Variants in FRMPD4 observed in about 807,000 individuals in gnomAD.
FRMPD4 encodes FERM and PDZ domain containing 4.
Under a neutral mutation model 94.1 loss-of-function variants are expected in FRMPD4, and 22 were observed. The ratio of observed to expected loss-of-function variants is 0.23; its 90% CI spans 0.17 to 0.33. FRMPD4 has a LOEUF of 0.33. Ranked by LOEUF, FRMPD4 falls within the 10% of genes least tolerant of loss-of-function variation. The pLI, the probability that FRMPD4 is intolerant of heterozygous loss-of-function variation, is 1.00. For missense variants in FRMPD4, 1,111 were observed against 1,339.9 expected, an observed-to-expected ratio of 0.83 and a Z score of 2.67; for synonymous variants, 631 against 548.6, an observed-to-expected ratio of 1.15 and a Z score of -2.10.
intron 1 of FRMPD4, among the ~76,000 whole-genome samples, chrX:12,166,674 C>T (rs1183474693): frequency 9.0e-6 from 1 of 111,330 alleles, no homozygotes; most frequent in East Asian, 2.8e-4. Context: ...GTGAATCCAT[C>T]TGGTCCTGGA....
chrX:12,702,052 C>T (rs368137593), intron 10 of FRMPD4, 42 bp downstream of exon 10: 3 of 1,162,062 alleles, frequency 2.6e-6, no homozygotes, highest in East Asian at 3.0e-5. Context: ...ACAGACATGC[C>T]GCCTCCCTTA....
intron 3 of FRMPD4, among the ~76,000 whole-genome samples, chrX:11,924,642 CAT>C (rs749564270): frequency 8.9e-6 from 1 of 112,161 alleles, no homozygotes; most frequent in Non-Finnish European, 1.9e-5. Flanking sequence ...CTCATAATTT[CAT>C]ATCTGTCCAA....
intron 3 of FRMPD4, among the ~76,000 whole-genome samples, chrX:11,885,575 T>TA (rs1373783719): frequency 9.0e-6 from 1 of 111,480 alleles, no homozygotes; most frequent in Non-Finnish European, 1.9e-5. Flanking sequence ...TTTTAAATGT[T>TA]AAAAAAATAG....
At chrX:12,047,454 T>C (rs1433256181) in intron 3 of FRMPD4, among the ~76,000 whole-genome samples, 13 of 111,707 alleles carry the variant, frequency 1.2e-4, no homozygotes, top group Non-Finnish European at 9.4e-5. Context: ...TCCAAAAAAA[T>C]TAAAGAGCGT....
intron 4 of FRMPD4, among the ~76,000 whole-genome samples, chrX:12,667,269 C>A (rs1246321184): frequency 8.9e-6 from 1 of 112,195 alleles, no homozygotes; most frequent in South Asian, 3.7e-4. Flanking sequence ...CTTGTTTAGA[C>A]TTAATGTTTC....
intron 1 of FRMPD4, among the ~76,000 whole-genome samples, chrX:12,275,360 A>G (rs1024054334): frequency 3.6e-5 from 4 of 111,247 alleles, no homozygotes; most frequent in Non-Finnish European, 7.5e-5. Flanking sequence ...TGCTAGTGCC[A>G]TGTTTGTACA....
intron 3 of FRMPD4, among the ~76,000 whole-genome samples, chrX:11,956,784 G>A (rs2054259360): frequency 8.9e-6 from 1 of 112,100 alleles, no homozygotes; most frequent in Non-Finnish European, 1.9e-5. Flanking sequence ...GAGAACTGAG[G>A]TAGAATTGCA....
At chrX:12,186,384 A>G (rs2056424668) in intron 1 of FRMPD4, among the ~76,000 whole-genome samples, 1 of 111,871 alleles carries the variant, frequency 8.9e-6, no homozygotes, top group Admixed American at 9.5e-5. Flanking sequence ...ATTATTAAAT[A>G]AATAATTATT....
intron 3 of FRMPD4, among the ~76,000 whole-genome samples, chrX:12,097,070 C>T (rs776072304): frequency 2.7e-5 from 3 of 112,162 alleles, no homozygotes; most frequent in Admixed American, 9.4e-5. Context: ...AGCTACCACT[C>T]ACTCTACTGA....
intron 1 of FRMPD4, among the ~76,000 whole-genome samples, chrX:12,193,753 A>C (rs938678213): frequency 1.0e-3 from 3 of 2,968 alleles, no homozygotes; most frequent in Non-Finnish European, 1.6e-3. Context: ...CGAAAGAAAC[A>C]GAAAGAAAGA....
intron 4 of FRMPD4, among the ~76,000 whole-genome samples, chrX:12,621,460 G>A (rs2059287237): frequency 9.8e-6 from 1 of 102,077 alleles, no homozygotes; most frequent in South Asian, 5.0e-4. Context: ...GAAGCTCAGT[G>A]GGATACAAGA....
chrX:12,552,168 G>A (rs867967332), intron 2 of FRMPD4, among the ~76,000 whole-genome samples: 7 of 111,783 alleles, frequency 6.3e-5, no homozygotes, highest in African/African-American at 1.6e-4. Flanking sequence ...CAAGAAACCC[G>A]TTGCTTGTAG....
At chrX:12,495,811 A>G (rs750791288) in intron 1 of FRMPD4, among the ~76,000 whole-genome samples, 33 of 112,181 alleles carry the variant, frequency 2.9e-4, no homozygotes, top group African/African-American at 1.1e-3. Context: ...GTAGTATAAA[A>G]TACCAATGCC....
intron 3 of FRMPD4, among the ~76,000 whole-genome samples, chrX:11,952,581 A>T (rs148147518): frequency 8.9e-6 from 1 of 112,404 alleles, no homozygotes; most frequent in African/African-American, 3.2e-5. Context: ...TTGAGGCTGA[A>T]GCAGTTAACT....
intron 2 of FRMPD4, among the ~76,000 whole-genome samples, chrX:12,607,168 G>T (rs1274346762): frequency 9.0e-6 from 1 of 111,458 alleles, no homozygotes; most frequent in Non-Finnish European, 1.9e-5. Flanking sequence ...CATTGGTTTT[G>T]CTGGCTCACT....
At position 12,720,515 on chromosome X, in the gene FRMPD4, T is replaced by A; in HGVS notation, c.3965-19T>A. On this transcript the variant is annotated intron_variant, in intron 16 of 16. Coordinates refer to ENST00000675598, the MANE Select transcript of FRMPD4 (RefSeq NM_001368397.1). Reference sequence around the variant, plus strand: ...GATGCTTAATGATTCTCTCTGTTTTTCTACTACCCCTAGTGTAGCTTTGAC... The same window carrying A: ...GATGCTTAATGATTCTCTCTGTTTTACTACTACCCCTAGTGTAGCTTTGAC... 2.5e-6 allele frequency: 3 copies of A among 1,205,123 alleles called. No individual in the cohort carries two copies. The highest frequency in any genetic ancestry group is 3.4e-6 in the Non-Finnish European group (3 of 890,582).
chrX:12,409,782 C>T (rs2056709773), intron 1 of FRMPD4, among the ~76,000 whole-genome samples: 1 of 111,773 alleles, frequency 8.9e-6, no homozygotes, highest in Admixed American at 9.4e-5. Flanking sequence ...TGAAAACCAT[C>T]ATTAGCAAAA....
At chrX:12,668,013 C>T (rs1250695223) in intron 4 of FRMPD4, among the ~76,000 whole-genome samples, 2 of 112,220 alleles carry the variant, frequency 1.8e-5, no homozygotes, top group Non-Finnish European at 3.8e-5. Flanking sequence ...TGAAATAATA[C>T]TTATCTAAAT....
intron 4 of FRMPD4, among the ~76,000 whole-genome samples, chrX:12,667,520 A>G (rs1347736213): frequency 2.7e-5 from 3 of 112,381 alleles, no homozygotes; most frequent in Non-Finnish European, 5.6e-5. Context: ...TAAATATAAA[A>G]TGAGAAAGGC....
Sources: gnomAD v4.1 joint callset for allele counts (sites outside exome capture counted in the v4.1 genomes callset) on GRCh38, gnomAD v4.1.1 for gene constraint, MANE v1.5 for transcripts, NCBI Gene and HGNC (gene_info 2026-07-23, HGNC 2026-07-21) for gene names.